The following ABCC1 variants were observed in gnomAD, a reference collection of about 807,000 sequenced individuals.
The protein encoded by ABCC1 is multidrug resistance-associated protein 1.
ABCC1 carries 83 observed loss-of-function variants against 172.9 expected under a neutral mutation model. The observed-to-expected ratio is 0.48, with a 90% CI of 0.40 to 0.58. The LOEUF is 0.58. Among genes scored for constraint, ABCC1 ranks in the 20% least tolerant of loss-of-function variants. The probability of loss-of-function intolerance (pLI) is 0.00; values close to 1 mark genes in which losing one functional copy is unlikely to be tolerated. For missense variants in ABCC1, 1,817 were observed against 2,002.7 expected, an observed-to-expected ratio of 0.91 and a Z score of 1.77; for synonymous variants, 937 against 825.2, an observed-to-expected ratio of 1.14 and a Z score of -2.32.
At chr16:16,052,632 C>A in intron 10 of ABCC1, 92 bp from the exon 11 acceptor site, 1 of 1,226,932 alleles carries the variant, frequency 8.2e-7, no homozygotes, top group Non-Finnish European at 1.2e-6. Context: ...TGGTCAGCAG[C>A]ATCCACGTGG....
At chr16:16,131,224 A>G (rs767510218) in intron 26 of ABCC1, among the ~76,000 whole-genome samples, 10 of 152,250 alleles carry the variant, frequency 6.6e-5, no homozygotes, top group African/African-American at 1.7e-4. Flanking sequence ...ATGAACAACT[A>G]TGGTCCATTG....
intron 19 of ABCC1, among the ~76,000 whole-genome samples, chr16:16,100,643 GT>G (rs1278366206): frequency 7.9e-5 from 12 of 152,364 alleles, no homozygotes; most frequent in African/African-American, 1.9e-4. Flanking sequence ...TTAAAGCAGA[GT>G]TTCTCAGTTC....
rs2045405385 is a variant in ABCC1 at position 16,125,750 on chromosome 16, A to G, written c.3718-60A>G. 4.7e-6 allele frequency: 6 copies of G among 1,271,868 alleles called. No homozygotes were observed. The East Asian group carries it at 9.4e-5, about 20-fold the overall frequency. The allele number at this position is 1,271,868 out of a possible 1,614,324, so 78.8% of individuals were successfully genotyped here. On this transcript the variant is annotated intron_variant, in intron 25 of 30. Transcript: ENST00000399410. ...CTATTATCTCAGTGGAAAAAAAGAA[A>G]AAGGAAAGTCAAGTACGCCCGCTTA...
At position 16,056,222 on chromosome 16, in the gene ABCC1, A is replaced by T. The variant is rs1257879173; in HGVS notation, c.1604A>T (p.Glu535Val). ...AAGGTGCTGGCCATCAGGCAGGAGG[A>T]GCTGAAGGTGCTGAAGAAGTCTGCC... ...KDKVLAIRQE[E>V]LKVLKKSAYL... The change falls in exon 12 of 31, where the codon GAG (glutamate) becomes GTG (valine). Residue 535 changes from glutamate (E) to valine (V), a missense_variant. Physicochemically the swap from Glu to Val is moderately radical, Grantham distance 121. Around this residue, in one of 3 missense-constraint regions of ABCC1, gnomAD observed 1,412 missense variants for 1,600.3 expected, o/e 0.88. Transcript: ENST00000399410. The T allele has an allele frequency of 6.2e-7, 1 of 1,614,184 alleles. No individual in the cohort carries two copies. Among genetic ancestry groups the T allele is most frequent in the Non-Finnish European group, 8.5e-7 (1 of 1,180,034 alleles).
chr16:15,953,315 A>G (rs1251198029), intron 1 of ABCC1, among the ~76,000 whole-genome samples: 1 of 152,200 alleles, frequency 6.6e-6, no homozygotes, highest in Non-Finnish European at 1.5e-5. Context: ...CCTGGGCGAC[A>G]GAGAGACTGT....
At chr16:16,084,166 G>A (rs1213104033) in intron 17 of ABCC1, among the ~76,000 whole-genome samples, 2 of 151,486 alleles carry the variant, frequency 1.3e-5, no homozygotes, top group African/African-American at 2.4e-5. Flanking sequence ...GCAGTGGCAC[G>A]ATCTCAGCTC....
intron 1 of ABCC1, among the ~76,000 whole-genome samples, chr16:16,000,701 C>G (rs2047278173): frequency 6.6e-6 from 1 of 152,150 alleles, no homozygotes; most frequent in Non-Finnish European, 1.5e-5. Context: ...CTCAAGTGAT[C>G]CTCCTGCCTT....
intron 27 of ABCC1, among the ~76,000 whole-genome samples, chr16:16,133,936 T>C (rs1188223595): frequency 6.6e-6 from 1 of 152,138 alleles, no homozygotes; most frequent in Middle Eastern, 3.2e-3. Flanking sequence ...TCTGCCTGAA[T>C]CTTTCAGATA....
At position 16,106,998 on chromosome 16, in the gene ABCC1, A is replaced by G. The variant is rs934527661; in HGVS notation, c.2871+125A>G. ...TGTCCATCACAACACACCTGTGAAGATACTATTTGCAGCACCAGAAACTGA... is the reference window on the plus strand; with the variant it reads ...TGTCCATCACAACACACCTGTGAAGGTACTATTTGCAGCACCAGAAACTGA... On this transcript the variant is annotated intron_variant, in intron 21 of 30. Transcript: ENST00000399410. 2.3e-5 allele frequency: 31 copies of G among 1,351,030 alleles called. No individual in the cohort carries two copies. In the South Asian group the frequency reaches 4.3e-4, roughly 19 times the overall value. The allele number at this position is 1,351,030 out of a possible 1,614,324, so 83.7% of individuals were successfully genotyped here.
chr16:16,069,551 C>T (rs2050252574), intron 13 of ABCC1, among the ~76,000 whole-genome samples: 1 of 152,076 alleles, frequency 6.6e-6, no homozygotes, highest in Non-Finnish European at 1.5e-5. Flanking sequence ...GCATTGCGAA[C>T]ATCCCTTTTG....
chr16:15,972,787 C>CTTTTTTTTTTT (rs35086205), intron 1 of ABCC1, among the ~76,000 whole-genome samples: 2 of 89,334 alleles, frequency 2.2e-5, no homozygotes, highest in Admixed American at 1.6e-4. Flanking sequence ...TATTTTTTAA[C>CTTTTTTTTTTT]TTTTTTTTTT....
chr16:16,006,565 CT>C (rs11441919), intron 1 of ABCC1, among the ~76,000 whole-genome samples: 32 of 147,980 alleles, frequency 2.2e-4, no homozygotes, highest in East Asian at 5.9e-4. Context: ...AAAATACAGG[CT>C]TTTTTTTTTT....
In ABCC1 at chr16:16,141,410, C is replaced by T. The variant is rs2046121952; in HGVS notation, c.*129C>T. The T allele has an allele frequency of 1.3e-6, 1 of 795,496 alleles. No homozygotes were observed. 49.3% of individuals were successfully genotyped at this position (795,496 alleles called of 1,614,324 possible). A position where few individuals can be genotyped will look rare whatever the true frequency, so the allele number is the denominator to read the frequency against. On this transcript the variant is annotated 3_prime_UTR_variant, in exon 31 of 31. Transcript: ENST00000399410. Reference sequence around the variant, plus strand: ...AACATAAAAACCAAACCCAGACAACCAAAACATATTCAAAGCAGCAGCCAC... The same window carrying T: ...AACATAAAAACCAAACCCAGACAACTAAAACATATTCAAAGCAGCAGCCAC...
intron 12 of ABCC1, chr16:16,056,569 T>C (rs2049664086): frequency 2.1e-6 from 1 of 472,688 alleles, no homozygotes; most frequent in Non-Finnish European, 3.8e-6. Context: ...CTAGGGAGGC[T>C]GAGGCAAGAG....
At chr16:16,050,589 T>C (rs2049385784) in intron 10 of ABCC1, among the ~76,000 whole-genome samples, 1 of 151,134 alleles carries the variant, frequency 6.6e-6, no homozygotes, top group Non-Finnish European at 1.5e-5. Flanking sequence ...AACACCAGAA[T>C]TTAATTGTCT....
At chr16:16,011,292 G>A (rs767605707) in intron 3 of ABCC1, among the ~76,000 whole-genome samples, 39 of 152,050 alleles carry the variant, frequency 2.6e-4, no homozygotes, top group Non-Finnish European at 4.3e-4. Flanking sequence ...TTCTGAGCAG[G>A]GTGAACAGTG....
At chr16:16,088,777 T>G (rs1328066467) in intron 18 of ABCC1, among the ~76,000 whole-genome samples, 1 of 152,120 alleles carries the variant, frequency 6.6e-6, no homozygotes. Context: ...GCCACAGTCA[T>G]GGCATGGTAG....
chr16:16,052,513 C>T (rs926773034), intron 10 of ABCC1, among the ~76,000 whole-genome samples: 1 of 152,182 alleles, frequency 6.6e-6, no homozygotes, highest in Admixed American at 6.5e-5. Flanking sequence ...GAGCGTGGAC[C>T]TGCTTATTCT....
At chr16:16,024,510 C>A (rs1282623787) in intron 5 of ABCC1, among the ~76,000 whole-genome samples, 1 of 152,130 alleles carries the variant, frequency 6.6e-6, no homozygotes. Flanking sequence ...TGCCACCACG[C>A]CCAAGTAACT....
Sources: allele counts gnomAD v4.1 joint callset (sites outside exome capture counted in the v4.1 genomes callset), GRCh38; gene constraint gnomAD v4.1.1; regional missense constraint gnomAD v4.1.1; transcripts MANE v1.5; gene names NCBI Gene and HGNC (gene_info 2026-07-23, HGNC 2026-07-21).